Variants in MGAT4C observed in about 807,000 individuals in gnomAD.
The protein encoded by MGAT4C is alpha-1,3-mannosyl-glycoprotein 4-beta-N-acetylglucosaminyltransferase C.
MGAT4C carries 19 observed loss-of-function variants against 40.1 expected under a neutral mutation model. That is an observed-to-expected ratio of 0.47 (90% confidence interval 0.33 to 0.70). The LOEUF (loss-of-function observed/expected upper bound fraction) is 0.70. Among genes scored for constraint, MGAT4C ranks in the 30% least tolerant of loss-of-function variants. The pLI, the probability that MGAT4C is intolerant of heterozygous loss-of-function variation, is 0.02. For synonymous variants in MGAT4C, 181 were observed against 187.1 expected, an observed-to-expected ratio of 0.97 and a Z score of 0.27; for missense variants, 491 against 563.2, an observed-to-expected ratio of 0.87 and a Z score of 1.30.
chr12:86,438,502 A>G (rs1957174181), intron 2 of MGAT4C, among the ~76,000 whole-genome samples: 1 of 151,920 alleles, frequency 6.6e-6, no homozygotes, highest in African/African-American at 2.4e-5. Flanking sequence ...TAAACAACAA[A>G]TTTTCGATAA....
At chr12:86,724,309 T>C (rs1343764012) in intron 2 of MGAT4C, among the ~76,000 whole-genome samples, 2 of 152,194 alleles carry the variant, frequency 1.3e-5, no homozygotes, top group Non-Finnish European at 2.9e-5. Context: ...TCTCCCCAAA[T>C]TGTAATGCTT....
intron 2 of MGAT4C, among the ~76,000 whole-genome samples, chr12:86,690,006 C>G (rs116018878): frequency 0.031 from 4,743 of 152,268 alleles, 122 homozygotes; most frequent in African/African-American, 0.074. Flanking sequence ...TTCAGAGATG[C>G]CATGCCCAGA....
chr12:86,833,550 C>T (rs909619696), intron 1 of MGAT4C, among the ~76,000 whole-genome samples: 1 of 151,856 alleles, frequency 6.6e-6, no homozygotes, highest in African/African-American at 2.4e-5. Flanking sequence ...AGTCTTTCCT[C>T]TGTGTAAGTC....
At chr12:86,519,613 G>A (rs1269123928) in intron 2 of MGAT4C, among the ~76,000 whole-genome samples, 1 of 152,112 alleles carries the variant, frequency 6.6e-6, no homozygotes, top group Non-Finnish European at 1.5e-5. Context: ...GGGGTGTAAT[G>A]ATATCTCATT....
intron 2 of MGAT4C, among the ~76,000 whole-genome samples, chr12:86,635,132 T>C (rs773869574): frequency 4.4e-4 from 67 of 152,130 alleles, no homozygotes; most frequent in Non-Finnish European, 8.1e-4. Context: ...TTCCTTATAG[T>C]ATTTTCTCTC....
At chr12:86,096,058 G>T (rs1873853880) in intron 1 of MGAT4C, among the ~76,000 whole-genome samples, 1 of 151,580 alleles carries the variant, frequency 6.6e-6, no homozygotes, top group Non-Finnish European at 1.5e-5. Flanking sequence ...AAAATTCTTG[G>T]CTTATATTTT....
At chr12:86,454,901 A>T (rs910904855) in intron 2 of MGAT4C, among the ~76,000 whole-genome samples, 24 of 152,086 alleles carry the variant, frequency 1.6e-4, no homozygotes, top group Admixed American at 3.9e-4. Flanking sequence ...TTCTCTTAAC[A>T]TTATTTTGTC....
chr12:86,456,565 G>A (rs531702868), intron 2 of MGAT4C, among the ~76,000 whole-genome samples: 80 of 152,086 alleles, frequency 5.3e-4, no homozygotes, highest in Non-Finnish European at 8.5e-4. Flanking sequence ...GATATTTTAA[G>A]AGTTTTTTCA....
chr12:86,480,985 G>C (rs150486095), intron 2 of MGAT4C, among the ~76,000 whole-genome samples: 35 of 151,844 alleles, frequency 2.3e-4, no homozygotes, highest in African/African-American at 7.2e-4. Flanking sequence ...TTGTGAAAAT[G>C]TTAGAATGTG....
intron 3 of MGAT4C, among the ~76,000 whole-genome samples, chr12:86,339,057 A>T (rs936757774): frequency 6.6e-6 from 1 of 151,952 alleles, no homozygotes; most frequent in African/African-American, 2.4e-5. Flanking sequence ...TGCTGATAAC[A>T]TGCATTATGT....
At chr12:86,517,080 A>G (rs1486957135) in intron 2 of MGAT4C, among the ~76,000 whole-genome samples, 1 of 152,180 alleles carries the variant, frequency 6.6e-6, no homozygotes, top group African/African-American at 2.4e-5. Context: ...ACCCTCATAC[A>G]TTGCAAGCAG....
chr12:86,454,384 C>T (rs1957476507), intron 2 of MGAT4C, among the ~76,000 whole-genome samples: 2 of 152,008 alleles, frequency 1.3e-5, no homozygotes, highest in South Asian at 2.1e-4. Flanking sequence ...CAAACTGCTA[C>T]ACCTGATTAA....
rs192974521 is a variant in MGAT4C at position 86,162,645 on chromosome 12, A to T, written c.-57+93594T>A. ...CTCCCTGTATCTAAAATGAAGGTTG[A>T]AGTAAAAATTATAATAATAATAATA... On this transcript the variant is annotated intron_variant, in intron 1 of 4. Coordinates refer to ENST00000611864, the MANE Select transcript of MGAT4C (RefSeq NM_001351288.2). Among the ~76,000 whole-genome samples, 434 of 152,272 alleles carry T rather than the reference A, an allele frequency of 2.9e-3. 2 individuals carry two copies. Among genetic ancestry groups the T allele is most frequent in the Middle Eastern group, 0.024 (7 of 292 alleles).
At chr12:86,657,903 A>T (rs939903164) in intron 2 of MGAT4C, among the ~76,000 whole-genome samples, 44 of 152,084 alleles carry the variant, frequency 2.9e-4, no homozygotes, top group African/African-American at 8.9e-4. Flanking sequence ...AGGCTTATAG[A>T]TTACTATGAT....
In MGAT4C at chr12:86,036,678, G is replaced by A. The variant is rs1268698715; in HGVS notation, c.-7+12996C>T. 2.0e-5 allele frequency among the ~76,000 whole-genome samples: 3 copies of A among 149,944 alleles called. No homozygotes were observed. In the Admixed American group the frequency reaches 2.0e-4, roughly 10 times the overall value. ...GACTGTGGTGGATAAGCTTTTTGAT[G>A]TGCTGCTGGATTCGGTTTCCAGTAT... On this transcript the variant is annotated intron_variant, in intron 2 of 4. Transcript: ENST00000611864.
At chr12:86,423,389 T>TA (rs527546192) in intron 3 of MGAT4C, among the ~76,000 whole-genome samples, 2 of 151,526 alleles carry the variant, frequency 1.3e-5, no homozygotes, top group Non-Finnish European at 2.9e-5. Context: ...TCCATTTAAA[T>TA]AAAAAAAATT....
intron 2 of MGAT4C, among the ~76,000 whole-genome samples, chr12:86,029,905 G>A (rs528792450): frequency 1.3e-5 from 2 of 151,884 alleles, no homozygotes; most frequent in South Asian, 4.1e-4. Context: ...CATATTTGGA[G>A]GGACAGTATA....
chr12:86,438,356 G>T (rs1026604502), intron 2 of MGAT4C, among the ~76,000 whole-genome samples: 4 of 151,902 alleles, frequency 2.6e-5, no homozygotes, highest in African/African-American at 9.7e-5. Flanking sequence ...GCCAGCAGAG[G>T]TTCGTTTATG....
chr12:86,725,513 G>A (rs557320693), intron 2 of MGAT4C, among the ~76,000 whole-genome samples: 1 of 152,220 alleles, frequency 6.6e-6, no homozygotes, highest in South Asian at 2.1e-4. Flanking sequence ...CAGGCAGGGA[G>A]TATAGTGGGC....
Sources: gnomAD v4.1 joint callset for allele counts (sites outside exome capture counted in the v4.1 genomes callset) on GRCh38, gnomAD v4.1.1 for gene constraint, MANE v1.5 for transcripts, NCBI Gene and HGNC (gene_info 2026-07-23, HGNC 2026-07-21) for gene names.